SNX31: variants seen among roughly 807,000 people sequenced by gnomAD.
SNX31 encodes the protein sorting nexin-31.
SNX31 carries 58 observed loss-of-function variants against 65.4 expected under a neutral mutation model. The ratio of observed to expected loss-of-function variants is 0.89; its 90% CI spans 0.72 to 1.10. SNX31 has a LOEUF of 1.10. SNX31 is among the 50% of genes least tolerant of loss of function. The pLI is 0.00. For missense variants in SNX31, 523 were observed against 529.7 expected (o/e 0.99, Z 0.12); for synonymous variants, 181 against 190.1 (o/e 0.95, Z 0.39).
chr8:100,643,817 C>T (rs924981893), intron 2 of SNX31, among the ~76,000 whole-genome samples: 4 of 152,124 alleles, frequency 2.6e-5, no homozygotes, highest in Non-Finnish European at 4.4e-5. Context: ...TCATTCTGTC[C>T]CTTCATTCAA....
Position 100,611,976 on chromosome 8 carries a change from C to G in SNX31, c.611+24G>C, listed in dbSNP as rs750834771. 5.0e-6 allele frequency: 8 copies of G among 1,591,400 alleles called. No homozygotes were observed. The Admixed American group carries it at 8.3e-5, about 17-fold the overall frequency. ...AATGGCGAAGTGTCGTCAAACGCCT[C>G]TGTCACTTTCAGAACCTACTTACCA... On this transcript the variant is annotated intron_variant, in intron 7 of 13. Coordinates refer to ENST00000311812, the MANE Select transcript of SNX31 (RefSeq NM_152628.4).
At chr8:100,591,198 G>A (rs1231871676) in intron 10 of SNX31, among the ~76,000 whole-genome samples, 1 of 152,164 alleles carries the variant, frequency 6.6e-6, no homozygotes, top group Non-Finnish European at 1.5e-5. Context: ...GAAATTGCAG[G>A]AGCTCACAAA....
chr8:100,603,411 G>A (rs955499176), intron 8 of SNX31, among the ~76,000 whole-genome samples: 1 of 151,940 alleles, frequency 6.6e-6, no homozygotes, highest in Non-Finnish European at 1.5e-5. Flanking sequence ...TACAGCAAAG[G>A]TAATGTAACT....
intron 2 of SNX31, among the ~76,000 whole-genome samples, chr8:100,645,316 C>T (rs545879755): frequency 3.6e-4 from 55 of 152,286 alleles, no homozygotes; most frequent in Admixed American, 3.5e-3. Flanking sequence ...TCCTTCTTTA[C>T]AGTGCTCTGT....
At chr8:100,606,658 A>ATC (rs1188469677) in intron 8 of SNX31, among the ~76,000 whole-genome samples, 2 of 152,042 alleles carry the variant, frequency 1.3e-5, no homozygotes, top group East Asian at 1.9e-4. Context: ...CTTATCCACC[A>ATC]TCTCTCTCTC....
chr8:100,650,585 C>T (rs993090897), upstream of SNX31, among the ~76,000 whole-genome samples: 2 of 152,328 alleles, frequency 1.3e-5, no homozygotes, highest in Admixed American at 6.5e-5. Flanking sequence ...GGAGAAGCGA[C>T]GCCTGCCAAA....
At position 100,625,449 on chromosome 8, in the gene SNX31, C is replaced by T. The variant is rs1357627318; in HGVS notation, c.321+4878G>A. Among the ~76,000 whole-genome samples the T allele has an allele frequency of 3.9e-5, 6 of 151,974 alleles. No individual in the cohort carries two copies. Among genetic ancestry groups the T allele is most frequent in the East Asian group, 1.9e-4 (1 of 5,152 alleles). On this transcript the variant is annotated intron_variant, in intron 4 of 13. Coordinates refer to ENST00000311812, the MANE Select transcript of SNX31 (RefSeq NM_152628.4). The surrounding 1 kb of genome is among the most constrained non-coding windows in gnomAD (Gnocchi z 4.2). ...AGAGCAGAATAGCAACAAAGCACACCGATCTCCTTGAAAAATTAAAAGATT... is the reference window on the plus strand; with the variant it reads ...AGAGCAGAATAGCAACAAAGCACACTGATCTCCTTGAAAAATTAAAAGATT...
At chr8:100,608,884 C>A (rs1816442039) in intron 7 of SNX31, among the ~76,000 whole-genome samples, 1 of 152,202 alleles carries the variant, frequency 6.6e-6, no homozygotes, top group South Asian at 2.1e-4. Flanking sequence ...CTCCACCGCA[C>A]AATACCTGGC....
At chr8:100,633,040 T>G (rs1198810944) in intron 3 of SNX31, among the ~76,000 whole-genome samples, 1 of 152,130 alleles carries the variant, frequency 6.6e-6, no homozygotes, top group Non-Finnish European at 1.5e-5. Flanking sequence ...TCCTCCCACC[T>G]CAGCCTTCCA....
intron 11 of SNX31, among the ~76,000 whole-genome samples, chr8:100,587,357 G>T (rs1288966938): frequency 6.6e-6 from 1 of 152,216 alleles, no homozygotes; most frequent in Middle Eastern, 3.4e-3. Context: ...GCCACAAGTG[G>T]GAAATTCCAC....
Position 100,630,453 on chromosome 8 carries a change from G to A in SNX31, c.257-62C>T. On this transcript the variant is annotated intron_variant, in intron 3 of 13. Transcript: ENST00000311812. The surrounding 1 kb of genome is among the most constrained non-coding windows in gnomAD (Gnocchi z 5.3). ...CTGGGCTGGGCCCTGCCTATTAATT[G>A]CTATGTCCTCCAGAGATCCCTCCAT... 7.1e-7 allele frequency: 1 copy of A among 1,416,764 alleles called. No homozygotes were observed. Among genetic ancestry groups the A allele is most frequent in the Non-Finnish European group, 9.8e-7 (1 of 1,021,412 alleles). The allele number at this position is 1,416,764 out of a possible 1,614,324, so 87.8% of individuals were successfully genotyped here. A position where few individuals can be genotyped will look rare whatever the true frequency, so the allele number is the denominator to read the frequency against.
rs762997594 is a variant in SNX31, at chr8:100,596,810, A to G, written c.807T>C (p.Tyr269=). The G allele has an allele frequency of 1.9e-6, 3 of 1,613,608 alleles. No individual in the cohort carries two copies. The highest frequency in any genetic ancestry group is 2.5e-6 in the Non-Finnish European group (3 of 1,180,008). ...TACAAGGATCCAGCTGCAGGTATCC[A>G]TAGTGCCGTACCTCCCGGGCCAGCT... ...FLELAREVRH[Y]GYLQLDPCTC... The change falls in exon 10 of 14, where the codon TAT becomes TAC. Residue 269 remains tyrosine (Y), a synonymous_variant. Transcript: ENST00000311812.
At chr8:100,651,509 T>C (rs1819973424), upstream of SNX31, among the ~76,000 whole-genome samples, 1 of 152,202 alleles carries the variant, frequency 6.6e-6, no homozygotes, top group South Asian at 2.1e-4. Flanking sequence ...AGTGCCCCCC[T>C]GGAGTTGAAC....
rs113919762 is a variant in SNX31 at position 100,657,356 on chromosome 8, G to C, written c.-58+5786C>G. 3.2e-4 allele frequency among the ~76,000 whole-genome samples: 49 copies of C among 151,980 alleles called. 1 individual carries two copies. The highest frequency in any genetic ancestry group is 1.0e-3 in the African/African-American group (43 of 41,408). On this transcript the variant is annotated intron_variant, in intron 1 of 5. Transcript: ENST00000520352. Reference sequence around the variant, plus strand: ...AATCCCAGCTACTCAGGAGGCTGAGGCAGGAGAATTGCTTGAACCTGGAAG... The same window carrying C: ...AATCCCAGCTACTCAGGAGGCTGAGCCAGGAGAATTGCTTGAACCTGGAAG...
chr8:100,593,242 G>A (rs1326913878), intron 10 of SNX31, among the ~76,000 whole-genome samples: 1 of 152,060 alleles, frequency 6.6e-6, no homozygotes, highest in East Asian at 1.9e-4. Context: ...ATTGGTGGGG[G>A]AATATACACA....
intron 10 of SNX31, among the ~76,000 whole-genome samples, 172 bp downstream of exon 10, chr8:100,596,467 G>C (rs1815100593): frequency 6.6e-6 from 1 of 152,140 alleles, no homozygotes; most frequent in Admixed American, 6.5e-5. Flanking sequence ...TGGGGAACGT[G>C]CATCAGACTA....
chr8:100,609,061 T>A lies in SNX31; in HGVS notation c.612-498A>T, dbSNP rs747676214. Among the ~76,000 whole-genome samples the A allele has an allele frequency of 3.9e-5, 6 of 152,196 alleles. No individual in the cohort carries two copies. The highest frequency in any genetic ancestry group is 8.8e-5 in the Non-Finnish European group (6 of 68,038). ...ATTCTAACCAGAGTGGTCTTTCCTG[T>A]GAAACTTTTCAGACTCTCATTGTTC... On this transcript the variant is annotated intron_variant, in intron 7 of 13. Coordinates refer to ENST00000311812, the MANE Select transcript of SNX31 (RefSeq NM_152628.4). This position sits in a 1 kb window ranked among gnomAD's most constrained non-coding sequence, Gnocchi z 4.9.
chr8:100,612,787 A>C lies in SNX31; in HGVS notation c.523+208T>G, dbSNP rs1367034123. 6.6e-6 allele frequency among the ~76,000 whole-genome samples: 1 copy of C among 152,030 alleles called. No homozygotes were observed. The highest frequency in any genetic ancestry group is 1.5e-5 in the Non-Finnish European group (1 of 68,002). The stretch of plus-strand genomic sequence containing the variant: ...GGGGGTACACAAGTGCAGTTACTGG[A>C]CCACCCAAGGTATGAGCGGTTTGCC... On this transcript the variant is annotated intron_variant, in intron 6 of 13. Transcript: ENST00000311812. The surrounding 1 kb of genome is among the most constrained non-coding windows in gnomAD (Gnocchi z 4.3).
intron 12 of SNX31, among the ~76,000 whole-genome samples, chr8:100,581,353 A>ATATG (rs1813536362): frequency 1.4e-5 from 2 of 147,192 alleles, no homozygotes; most frequent in Non-Finnish European, 3.0e-5. Flanking sequence ...ATATATATAT[A>ATATG]TATAATTTAA....
Sources: allele counts gnomAD v4.1 joint callset (sites outside exome capture counted in the v4.1 genomes callset), GRCh38; gene constraint gnomAD v4.1.1; non-coding constraint Gnocchi (gnomAD v3.1); transcripts MANE v1.5; gene names NCBI Gene and HGNC (gene_info 2026-07-23, HGNC 2026-07-21).